The following ZNF365 variants were observed in gnomAD, a reference collection of about 807,000 sequenced individuals.
The protein encoded by ZNF365 is zinc finger protein 365.
ZNF365 carries 22 observed loss-of-function variants against 35.0 expected under a neutral mutation model. That is an observed-to-expected ratio of 0.63 (90% confidence interval 0.45 to 0.90). The LOEUF (loss-of-function observed/expected upper bound fraction) is 0.90. Ranked by LOEUF, ZNF365 falls within the 40% of genes least tolerant of loss-of-function variation. The pLI is 0.00. For missense variants in ZNF365, 448 were observed against 500.3 expected, an observed-to-expected ratio of 0.90 and a Z score of 1.00; for synonymous variants, 188 against 196.2, an observed-to-expected ratio of 0.96 and a Z score of 0.35.
rs991025367 is a variant in ZNF365 at position 62,467,862 on chromosome 10, G to A, written c.981+8065G>A. Among the ~76,000 whole-genome samples, 10 of 152,126 alleles carry A rather than the reference G, an allele frequency of 6.6e-5. 1 individual carries two copies. The highest frequency in any genetic ancestry group is 6.6e-4 in the Admixed American group (10 of 15,266). On this transcript the variant is annotated intron_variant, in intron 4 of 4. Transcript: ENST00000395255. Reference sequence around the variant, plus strand: ...TGTGGCACTCAGCTGCTCAGTCTTTGGGCAGTGTTTGCATTTGCATGGCTC... The same window carrying A: ...TGTGGCACTCAGCTGCTCAGTCTTTAGGCAGTGTTTGCATTTGCATGGCTC...
At position 62,454,470 on chromosome 10, in the gene ZNF365, C is replaced by T. The variant is rs1368878063; in HGVS notation, c.925-5271C>T. On this transcript the variant is annotated intron_variant, in intron 3 of 4. Transcript: ENST00000395255. ...CTACCATTAAGGTGTTTGGACTAAA[C>T]TACATAATAAACATAATTTATTTTG... is the stretch of plus-strand genomic sequence containing the variant. Among the ~76,000 whole-genome samples, 5 of 152,266 alleles carry T rather than the reference C, an allele frequency of 3.3e-5. No individual in the cohort carries two copies. In the South Asian group the frequency reaches 6.2e-4, roughly 19 times the overall value.
chr10:62,391,744 T>C (rs1287205073), intron 3 of ZNF365, among the ~76,000 whole-genome samples: 1 of 152,284 alleles, frequency 6.6e-6, no homozygotes, highest in Non-Finnish European at 1.5e-5. Context: ...TAATGACTTC[T>C]TTTCCTCTGG....
chr10:62,374,433 C>A lies in ZNF365; in HGVS notation c.-39C>A, dbSNP rs1839275405. 1 of 99,760 alleles carries A rather than the reference C, an allele frequency of 1.0e-5. No individual in the cohort carries two copies. Among genetic ancestry groups the A allele is most frequent in the South Asian group, 3.9e-4 (1 of 2,566 alleles). 6.2% of individuals were successfully genotyped at this position (99,760 alleles called of 1,614,324 possible). ...GCAGCATCAGCACCGGAGGCGGCGG[C>A]TGCAGCAGCAGCAGCAACAAGTCGG... On this transcript the variant is annotated 5_prime_UTR_variant, in exon 1 of 5. It adds an upstream start codon to the 5' untranslated region. Transcript: ENST00000395254.
chr10:62,402,383 C>G lies in ZNF365; in HGVS notation c.*2594C>G. Reference sequence around the variant, plus strand: ...TCAGTTGTACAGAAGTTGGAATATTCTGTTCCAGAATTAAAGAAGTTTTTA... The same window carrying G: ...TCAGTTGTACAGAAGTTGGAATATTGTGTTCCAGAATTAAAGAAGTTTTTA... On this transcript the variant is annotated 3_prime_UTR_variant, in exon 5 of 5. Coordinates refer to ENST00000395254, the MANE Select transcript of ZNF365 (RefSeq NM_014951.3). The G allele has an allele frequency of 1.0e-6, 1 of 985,240 alleles. No homozygotes were observed. The highest frequency in any genetic ancestry group is 1.2e-6 in the Non-Finnish European group (1 of 829,694). The allele number at this position is 985,240 out of a possible 1,614,324, so 61.0% of individuals were successfully genotyped here.
intron 3 of ZNF365, among the ~76,000 whole-genome samples, chr10:62,451,078 C>T (rs556931988): frequency 2.0e-5 from 3 of 152,234 alleles, no homozygotes; most frequent in East Asian, 1.9e-4. Flanking sequence ...AATGAAACTA[C>T]GTGCAGAAAA....
chr10:62,475,578 C>T (rs1254480803), intron 4 of ZNF365, among the ~76,000 whole-genome samples: 1 of 152,198 alleles, frequency 6.6e-6, no homozygotes, highest in African/African-American at 2.4e-5. Flanking sequence ...AAGGCTCTCT[C>T]AGGTCAGGGT....
At chr10:62,435,247 T>G (rs1253400440) in intron 3 of ZNF365, among the ~76,000 whole-genome samples, 1 of 152,120 alleles carries the variant, frequency 6.6e-6, no homozygotes, top group African/African-American at 2.4e-5. Context: ...GTGAAATAAT[T>G]GAGGTCCAGG....
chr10:62,377,367 A>G (rs1290891010), intron 2 of ZNF365, among the ~76,000 whole-genome samples: 14 of 152,206 alleles, frequency 9.2e-5, no homozygotes, highest in African/African-American at 3.4e-4. Context: ...GTTCAAAAAC[A>G]TTCCTCCAGT....
intron 3 of ZNF365, among the ~76,000 whole-genome samples, chr10:62,442,976 T>G (rs1840526107): frequency 6.6e-6 from 1 of 152,152 alleles, no homozygotes; most frequent in Admixed American, 6.5e-5. Context: ...ACAGAACAGA[T>G]TCAATTGTCC....
chr10:62,413,467 T>A (rs1840021333), intron 3 of ZNF365, among the ~76,000 whole-genome samples: 1 of 152,164 alleles, frequency 6.6e-6, no homozygotes, highest in Non-Finnish European at 1.5e-5. Flanking sequence ...CTGTTCAGAA[T>A]AATATTATAG....
At chr10:62,378,156 TG>T (rs1194500984) in intron 2 of ZNF365, among the ~76,000 whole-genome samples, 1 of 152,232 alleles carries the variant, frequency 6.6e-6, no homozygotes, top group African/African-American at 2.4e-5. Flanking sequence ...GTTTCCCTTT[TG>T]GTTTCTGGTG....
downstream of ZNF365, among the ~76,000 whole-genome samples, chr10:62,403,454 C>G (rs947440813): frequency 1.3e-5 from 2 of 152,044 alleles, no homozygotes; most frequent in African/African-American, 2.4e-5. Context: ...GTCAGGAGAT[C>G]GAGACCATCC....
At chr10:62,474,891 C>A (rs1444069725) in intron 4 of ZNF365, among the ~76,000 whole-genome samples, 3 of 152,192 alleles carry the variant, frequency 2.0e-5, no homozygotes, top group Non-Finnish European at 4.4e-5. Context: ...TGCTTAATTT[C>A]TCTGGATCTT....
At chr10:62,421,287 A>G (rs754692099) in intron 3 of ZNF365, among the ~76,000 whole-genome samples, 1 of 152,136 alleles carries the variant, frequency 6.6e-6, no homozygotes, top group Non-Finnish European at 1.5e-5. Flanking sequence ...CACTGGCACA[A>G]TTATGTACTG....
intron 3 of ZNF365, among the ~76,000 whole-genome samples, chr10:62,421,844 G>A (rs887896110): frequency 6.6e-6 from 1 of 152,212 alleles, no homozygotes; most frequent in African/African-American, 2.4e-5. Flanking sequence ...AATGACAGCA[G>A]ATTATTACAA....
chr10:62,443,553 T>C (rs1437842776), intron 3 of ZNF365, among the ~76,000 whole-genome samples: 4 of 152,236 alleles, frequency 2.6e-5, no homozygotes, highest in African/African-American at 9.6e-5. Flanking sequence ...TATATGTCTC[T>C]TGGGGAGAAG....
chr10:62,380,948 G>C (rs1451361961), intron 2 of ZNF365, among the ~76,000 whole-genome samples: 1 of 152,150 alleles, frequency 6.6e-6, no homozygotes, highest in Non-Finnish European at 1.5e-5. Flanking sequence ...GAAAAGTCCT[G>C]ATTGAACATC....
At chr10:62,448,163 TTAAG>T (rs1273150265) in intron 3 of ZNF365, among the ~76,000 whole-genome samples, 2 of 152,216 alleles carry the variant, frequency 1.3e-5, no homozygotes, top group African/African-American at 2.4e-5. Context: ...CTTGTGTTCA[TTAAG>T]TAAGATTCAG....
At chr10:62,383,352 G>A (rs1304101618) in intron 2 of ZNF365, among the ~76,000 whole-genome samples, 1 of 152,192 alleles carries the variant, frequency 6.6e-6, no homozygotes, top group East Asian at 1.9e-4. Flanking sequence ...AGTAGGCCAT[G>A]TCATGTACAC....
Sources: gnomAD v4.1 joint callset for allele counts (sites outside exome capture counted in the v4.1 genomes callset) on GRCh38, gnomAD v4.1.1 for gene constraint, MANE v1.5 for transcripts, NCBI Gene and HGNC (gene_info 2026-07-23, HGNC 2026-07-21) for gene names.